Variants in PTPRT observed in about 807,000 individuals in gnomAD.
PTPRT encodes the protein receptor-type tyrosine-protein phosphatase T.
A neutral mutation model predicts 176.8 loss-of-function variants in PTPRT; 56 were observed. The ratio of observed to expected loss-of-function variants is 0.32; its 90% CI spans 0.26 to 0.40. PTPRT has a LOEUF of 0.40. Among genes scored for constraint, PTPRT ranks in the 10% least tolerant of loss-of-function variants. The pLI is 1.00. For missense variants in PTPRT, 1,540 were observed against 1,908.2 expected (o/e 0.81, Z 3.60); for synonymous variants, 783 against 739.0 (o/e 1.06, Z -0.96).
intron 1 of PTPRT, among the ~76,000 whole-genome samples, chr20:43,099,238 A>G (rs1005093318): frequency 5.9e-5 from 9 of 152,222 alleles, no homozygotes; most frequent in Non-Finnish European, 1.3e-4. Flanking sequence ...TTCCTATATT[A>G]TGTGGAATCT....
intron 15 of PTPRT, among the ~76,000 whole-genome samples, chr20:42,228,029 T>A (rs2146821622): frequency 6.6e-6 from 1 of 152,298 alleles, no homozygotes; most frequent in East Asian, 1.9e-4. Context: ...ATACTCTCAT[T>A]AACCTTGTTT....
At chr20:42,991,716 T>A (rs1259053999) in intron 1 of PTPRT, among the ~76,000 whole-genome samples, 1 of 152,194 alleles carries the variant, frequency 6.6e-6, no homozygotes, top group African/African-American at 2.4e-5. Flanking sequence ...ATGGTAAGTT[T>A]TATGTTATGT....
chr20:42,921,739 C>G (rs773447340), intron 1 of PTPRT, among the ~76,000 whole-genome samples: 1 of 152,188 alleles, frequency 6.6e-6, no homozygotes, highest in African/African-American at 2.4e-5. Context: ...AACACTGCAC[C>G]TTCACTCACT....
intron 7 of PTPRT, among the ~76,000 whole-genome samples, chr20:42,505,905 A>G (rs891368024): frequency 2.0e-5 from 3 of 152,102 alleles, no homozygotes; most frequent in African/African-American, 7.2e-5. Flanking sequence ...CACTTTGTTC[A>G]TTGTCCTTTT....
At chr20:42,312,634 T>C (rs1459765506) in intron 12 of PTPRT, among the ~76,000 whole-genome samples, 1 of 152,106 alleles carries the variant, frequency 6.6e-6, no homozygotes, top group Non-Finnish European at 1.5e-5. Context: ...GCATAAGCAC[T>C]CATCCAATTC....
intron 7 of PTPRT, among the ~76,000 whole-genome samples, chr20:42,634,464 C>A (rs1276256954): frequency 6.6e-6 from 1 of 151,730 alleles, no homozygotes; most frequent in Non-Finnish European, 1.5e-5. Context: ...AGGTACCAGA[C>A]CCACATGAGA....
At chr20:42,430,874 C>A (rs2145800819) in intron 9 of PTPRT, among the ~76,000 whole-genome samples, 1 of 152,296 alleles carries the variant, frequency 6.6e-6, no homozygotes, top group South Asian at 2.1e-4. Flanking sequence ...AGGCCTTCTT[C>A]CCAGACATGA....
intron 13 of PTPRT, among the ~76,000 whole-genome samples, chr20:42,273,216 CTTAT>C (rs964454903): frequency 6.6e-6 from 1 of 152,042 alleles, no homozygotes; most frequent in Non-Finnish European, 1.5e-5. Flanking sequence ...AGTGGTAGTA[CTTAT>C]TTATTTATTT....
Position 42,992,237 on chromosome 20 carries a change from A to C in PTPRT, c.89-106305T>G, listed in dbSNP as rs191401927. Among the ~76,000 whole-genome samples the C allele has an allele frequency of 1.4e-4, 22 of 152,344 alleles. No individual in the cohort carries two copies. In the East Asian group the frequency reaches 4.0e-3, roughly 28 times the overall value. Reference sequence around the variant, plus strand: ...CATCAAGAATGATGTCATGAGAGAAAGAACTTGAGGTCTGGATAAAAGGAT... The same window carrying C: ...CATCAAGAATGATGTCATGAGAGAACGAACTTGAGGTCTGGATAAAAGGAT... On this transcript the variant is annotated intron_variant, in intron 1 of 30. Coordinates refer to ENST00000373187, the MANE Select transcript of PTPRT (RefSeq NM_007050.6).
chr20:42,190,902 A>C (rs767188540), intron 16 of PTPRT, among the ~76,000 whole-genome samples: 6 of 152,172 alleles, frequency 3.9e-5, no homozygotes, highest in Non-Finnish European at 8.8e-5. Context: ...CTGCCATTTA[A>C]AGCTACAAAG....
At position 42,733,208 on chromosome 20, in the gene PTPRT, G is replaced by C. The variant is rs565438236; in HGVS notation, c.859+23254C>G. Among the ~76,000 whole-genome samples the C allele has an allele frequency of 7.9e-5, 12 of 152,270 alleles. No individual in the cohort carries two copies. In the South Asian group the frequency reaches 2.5e-3, roughly 32 times the overall value. On this transcript the variant is annotated intron_variant, in intron 6 of 30. Coordinates refer to ENST00000373187, the MANE Select transcript of PTPRT (RefSeq NM_007050.6). ...ATTCTGACATCTGCATGGAAACAAG[G>C]TAACTCAGTCTTAGAAAGCCAGGAG...
chr20:42,866,591 G>C (rs2078750516), intron 2 of PTPRT, among the ~76,000 whole-genome samples: 6 of 152,150 alleles, frequency 3.9e-5, no homozygotes, highest in Admixed American at 3.3e-4. Flanking sequence ...TATCCTAAAA[G>C]ATAAATCTGA....
chr20:42,493,623 A>T (rs1325199271), intron 7 of PTPRT, among the ~76,000 whole-genome samples: 1 of 152,062 alleles, frequency 6.6e-6, no homozygotes, highest in African/African-American at 2.4e-5. Flanking sequence ...ACAATGCTAG[A>T]CTTTGATCTT....
intron 1 of PTPRT, among the ~76,000 whole-genome samples, chr20:43,068,234 G>C (rs372835966): frequency 4.1e-4 from 61 of 149,600 alleles, no homozygotes; most frequent in African/African-American, 1.5e-3. Context: ...GCCAGGCGCA[G>C]TGGCTCATGC....
intron 12 of PTPRT, among the ~76,000 whole-genome samples, chr20:42,310,562 C>A (rs1343432409): frequency 6.6e-6 from 1 of 152,130 alleles, no homozygotes; most frequent in African/African-American, 2.4e-5. Context: ...CCCTTTCACT[C>A]CAGCAATTTG....
chr20:42,105,335 A>G (rs1008947411), intron 24 of PTPRT, among the ~76,000 whole-genome samples: 1 of 152,164 alleles, frequency 6.6e-6, no homozygotes, highest in Non-Finnish European at 1.5e-5. Flanking sequence ...CCTTCCAAGC[A>G]AATTATTTGC....
intron 16 of PTPRT, among the ~76,000 whole-genome samples, chr20:42,181,330 G>A (rs6030031): frequency 0.034 from 5,231 of 152,228 alleles, 289 homozygotes; most frequent in African/African-American, 0.12. Context: ...GGTCTGAAGA[G>A]TGTTCCCTCT....
rs3084621 is a variant in PTPRT, at chr20:42,077,813, AT to A, written c.*3065del. 221 of 181,242 alleles carry A rather than the reference AT, an allele frequency of 1.2e-3. No individual in the cohort carries two copies. Among genetic ancestry groups the A allele is most frequent in the Middle Eastern group, 0.01 (5 of 494 alleles). The allele number at this position is 181,242 out of a possible 1,614,324, so 11.2% of individuals were successfully genotyped here. On this transcript the variant is annotated 3_prime_UTR_variant, in exon 31 of 31. Transcript: ENST00000373187. The stretch of plus-strand genomic sequence containing the variant: ...CTGGGTTACCCCAACATGGCCTGAG[AT>A]TTTTTTTTTTTGCAAGTTTGTTTCT...
chr20:42,140,577 T>C (rs979348343), intron 18 of PTPRT, among the ~76,000 whole-genome samples: 2 of 152,168 alleles, frequency 1.3e-5, no homozygotes. Context: ...CACTGTTTGT[T>C]CAGGCCCCAT....
Sources: gnomAD v4.1 joint callset for allele counts (sites outside exome capture counted in the v4.1 genomes callset) on GRCh38, gnomAD v4.1.1 for gene constraint, MANE v1.5 for transcripts, NCBI Gene and HGNC (gene_info 2026-07-23, HGNC 2026-07-21) for gene names.